Variants in FRY observed in about 807,000 individuals in gnomAD.
The protein encoded by FRY is protein furry homolog.
Under a neutral mutation model 348.4 loss-of-function variants are expected in FRY, and 128 were observed. That is an observed-to-expected ratio of 0.37 (90% confidence interval 0.32 to 0.43). The LOEUF is 0.43. FRY is among the 20% of genes least tolerant of loss of function. The pLI is 1.00. For missense variants in FRY, 2,736 were observed against 3,695.2 expected (o/e 0.74, Z 6.73); for synonymous variants, 1,370 against 1,374.7 (o/e 1.00, Z 0.08).
chr13:32,125,573 A>G (rs1484772260), intron 7 of FRY, among the ~76,000 whole-genome samples: 1 of 152,246 alleles, frequency 6.6e-6, no homozygotes, highest in African/African-American at 2.4e-5. Context: ...TTAAAGCAAC[A>G]GTGATGCTCC....
intron 51 of FRY, among the ~76,000 whole-genome samples, chr13:32,260,599 G>C (rs538195112): frequency 1.2e-4 from 18 of 152,356 alleles, no homozygotes; most frequent in African/African-American, 3.8e-4. Flanking sequence ...TTGGGGCCGG[G>C]TGCAGTGGCT....
intron 10 of FRY, 45 bp from the exon 11 acceptor site, chr13:32,136,826 G>T (rs1345702424): frequency 9.3e-7 from 1 of 1,070,982 alleles, no homozygotes; most frequent in East Asian, 2.4e-5. Context: ...TACCTGGTTT[G>T]TTGAAATATA....
At chr13:32,288,266 G>T (rs55891775) in intron 58 of FRY, among the ~76,000 whole-genome samples, 3 of 152,082 alleles carry the variant, frequency 2.0e-5, no homozygotes, top group Non-Finnish European at 2.9e-5. Context: ...AGTTTTAAAG[G>T]TTTCTCTAAA....
intron 1 of FRY, among the ~76,000 whole-genome samples, chr13:32,046,585 C>T (rs1873027214): frequency 6.6e-6 from 1 of 152,224 alleles, no homozygotes; most frequent in Non-Finnish European, 1.5e-5. Context: ...ACACTCTTCA[C>T]TGAATCCTGC....
At chr13:32,046,304 T>C (rs1873013317) in intron 1 of FRY, among the ~76,000 whole-genome samples, 1 of 152,200 alleles carries the variant, frequency 6.6e-6, no homozygotes, top group African/African-American at 2.4e-5. Context: ...AGCTCTGTGT[T>C]TTCCTGAAGT....
chr13:32,233,556 C>G (rs1886034086), intron 41 of FRY, among the ~76,000 whole-genome samples: 1 of 152,226 alleles, frequency 6.6e-6, no homozygotes, highest in African/African-American at 2.4e-5. Flanking sequence ...TTCACAGTAT[C>G]TACACTTCAA....
intron 3 of FRY, among the ~76,000 whole-genome samples, chr13:32,109,589 G>C (rs1215406343): frequency 2.0e-5 from 3 of 152,202 alleles, no homozygotes; most frequent in African/African-American, 7.2e-5. Context: ...AAGGTGAAAA[G>C]AGCAGAGTGC....
intron 29 of FRY, 112 bp downstream of exon 29, chr13:32,194,409 G>A (rs1194608945): frequency 8.4e-6 from 8 of 955,124 alleles, no homozygotes; most frequent in Middle Eastern, 4.2e-4. Context: ...AGTTCTATGA[G>A]AATATAAAAT....
intron 3 of FRY, among the ~76,000 whole-genome samples, chr13:32,111,856 T>G (rs1213904318): frequency 6.6e-6 from 1 of 152,228 alleles, no homozygotes; most frequent in Non-Finnish European, 1.5e-5. Context: ...CTATCCTCAG[T>G]GTCCTTTCTC....
chr13:32,289,473 T>C (rs1889226801), intron 58 of FRY, among the ~76,000 whole-genome samples, 160 bp from the exon 59 acceptor site: 1 of 152,246 alleles, frequency 6.6e-6, no homozygotes, highest in Non-Finnish European at 1.5e-5. Context: ...CACTGGTATT[T>C]ATTTAATGAC....
chr13:32,178,541 C>T, intron 21 of FRY, 105 bp downstream of exon 21: 1 of 1,252,992 alleles, frequency 8.0e-7, no homozygotes, highest in Non-Finnish European at 1.1e-6. Flanking sequence ...AATTTCTGAA[C>T]TTCCTACTAG....
At chr13:32,145,534 T>G (rs930900913) in intron 11 of FRY, among the ~76,000 whole-genome samples, 5 of 131,968 alleles carry the variant, frequency 3.8e-5, no homozygotes, top group East Asian at 4.2e-4. Context: ...TTGTTTTTTT[T>G]TTTTTTTTTT....
chr13:32,162,089 T>C (rs901160164), intron 17 of FRY, among the ~76,000 whole-genome samples: 6 of 152,086 alleles, frequency 3.9e-5, no homozygotes, highest in African/African-American at 1.4e-4. Context: ...ACAAACCCAA[T>C]GATGAAAGGA....
intron 1 of FRY, among the ~76,000 whole-genome samples, chr13:32,073,319 G>A (rs1405237717): frequency 6.6e-6 from 1 of 152,192 alleles, no homozygotes; most frequent in Non-Finnish European, 1.5e-5. Context: ...GCATGGATCA[G>A]GAAAACAGAT....
At position 32,149,794 on chromosome 13, in the gene FRY, G is replaced by T. The variant is rs367574095; in HGVS notation, c.1439G>T (p.Cys480Phe). The T allele has an allele frequency of 6.2e-7, 1 of 1,611,620 alleles. No homozygotes were observed. Among genetic ancestry groups the T allele is most frequent in the East Asian group, 2.2e-5 (1 of 44,870 alleles). Residue 480 changes from cysteine (C) to phenylalanine (F), a missense_variant, in exon 14 of 61, where the codon TGT (cysteine) becomes TTT (phenylalanine). Coordinates refer to ENST00000542859, the MANE Select transcript of FRY (RefSeq NM_023037.3). ...AAAGAAATCATTTTCGATTTTCTTT[G>T]TGTGGGAAAACCAGCAAAAGCATTC... is the stretch of plus-strand genomic sequence containing the variant. Reference protein sequence around the residue: ...AMKEIIFDFLCVGKPAKAFSL... With the variant: ...AMKEIIFDFLFVGKPAKAFSL...
intron 55 of FRY, among the ~76,000 whole-genome samples, chr13:32,274,506 C>T (rs976258221): frequency 4.0e-5 from 6 of 151,628 alleles, no homozygotes; most frequent in Non-Finnish European, 7.4e-5. Flanking sequence ...AGATCGAGAC[C>T]ATCCTGGCTA....
In FRY at chr13:32,124,320, C is replaced by A; in HGVS notation, c.499C>A (p.Arg167=). 6.2e-7 allele frequency: 1 copy of A among 1,601,970 alleles called. No homozygotes were observed. Among genetic ancestry groups the A allele is most frequent in the South Asian group, 1.1e-5 (1 of 90,708 alleles). ...EQQRDYLMER[R]DLAIDFIFSL... ...ACAGCGAGATTATTTAATGGAAAGACGGGACCTCGCCATTGATTTTATTTT... is the reference window on the plus strand; with the variant it reads ...ACAGCGAGATTATTTAATGGAAAGAAGGGACCTCGCCATTGATTTTATTTT... Residue 167 remains arginine, a synonymous_variant, in exon 5 of 61, where the codon CGG becomes AGG. Coordinates refer to ENST00000542859, the MANE Select transcript of FRY (RefSeq NM_023037.3).
At chr13:32,168,755 T>G (rs534390199) in intron 17 of FRY, among the ~76,000 whole-genome samples, 1 of 152,360 alleles carries the variant, frequency 6.6e-6, no homozygotes, top group South Asian at 2.1e-4. Flanking sequence ...CCTGGCTCAG[T>G]GTAAATCTGT....
At chr13:32,051,416 G>A (rs1370837608) in intron 1 of FRY, among the ~76,000 whole-genome samples, 1 of 152,160 alleles carries the variant, frequency 6.6e-6, no homozygotes, top group Non-Finnish European at 1.5e-5. Context: ...TGAAAAAGAA[G>A]CCCAACAAAA....
Sources: allele counts gnomAD v4.1 joint callset (sites outside exome capture counted in the v4.1 genomes callset), GRCh38; gene constraint gnomAD v4.1.1; transcripts MANE v1.5; gene names NCBI Gene and HGNC (gene_info 2026-07-23, HGNC 2026-07-21).